The following DGKB variants were observed in gnomAD, a reference collection of about 807,000 sequenced individuals.
The protein encoded by DGKB is 90 kDa diacylglycerol kinase.
DGKB carries 67 observed loss-of-function variants against 114.3 expected under a neutral mutation model. The ratio of observed to expected loss-of-function variants is 0.59; its 90% CI spans 0.48 to 0.72. The LOEUF is 0.72. Ranked by LOEUF, DGKB falls within the 30% of genes least tolerant of loss-of-function variation. The pLI, the probability that DGKB is intolerant of heterozygous loss-of-function variation, is 0.00. For synonymous variants in DGKB, 398 were observed against 323.1 expected, an observed-to-expected ratio of 1.23 and a Z score of -2.49; for missense variants, 907 against 975.2, an observed-to-expected ratio of 0.93 and a Z score of 0.93.
chr7:14,433,232 T>C (rs1038355522), intron 21 of DGKB, among the ~76,000 whole-genome samples: 1 of 152,138 alleles, frequency 6.6e-6, no homozygotes, highest in African/African-American at 2.4e-5. Context: ...ATTCTAGAGC[T>C]CCCCATGAGA....
At chr7:14,458,081 A>G (rs1832552573) in intron 21 of DGKB, among the ~76,000 whole-genome samples, 1 of 152,206 alleles carries the variant, frequency 6.6e-6, no homozygotes, top group South Asian at 2.1e-4. Context: ...TGATTAAAAA[A>G]AACGATGCTC....
chr7:14,492,113 T>C (rs1784677885), intron 20 of DGKB, among the ~76,000 whole-genome samples: 1 of 152,058 alleles, frequency 6.6e-6, no homozygotes, highest in African/African-American at 2.4e-5. Flanking sequence ...AATATAAAAA[T>C]TAAAATCTAT....
rs1226790328 is a variant in DGKB at position 14,421,734 on chromosome 7, C to T, written c.1835+56427G>A. 4.6e-5 allele frequency among the ~76,000 whole-genome samples: 7 copies of T among 152,042 alleles called. No individual in the cohort carries two copies. In the East Asian group the frequency reaches 1.2e-3, roughly 25 times the overall value. On this transcript the variant is annotated intron_variant, in intron 21 of 25. Transcript: ENST00000402815. ...ATAAGAAAGTGATGATAATGGAAAG[C>T]AATATTTAGTATCAACTTTGAATAG...
At chr7:14,728,478 A>G (rs564793320) in intron 5 of DGKB, among the ~76,000 whole-genome samples, 6 of 152,196 alleles carry the variant, frequency 3.9e-5, no homozygotes, top group African/African-American at 1.4e-4. Flanking sequence ...GCTCCTAACA[A>G]GTCTATCTTC....
chr7:14,474,777 AC>A (rs1384748574), intron 21 of DGKB, among the ~76,000 whole-genome samples: 1 of 151,970 alleles, frequency 6.6e-6, no homozygotes, highest in African/African-American at 2.4e-5. Flanking sequence ...TATTTTAAAT[AC>A]CAATATTATG....
Position 14,212,541 on chromosome 7 carries a change from T to TA in DGKB, c.2123-34391_2123-34390insT, listed in dbSNP as rs540777612. Among the ~76,000 whole-genome samples, 17 of 152,220 alleles carry TA rather than the reference T, an allele frequency of 1.1e-4. No homozygotes were observed. The East Asian group carries it at 3.1e-3, about 28-fold the overall frequency. On this transcript the variant is annotated intron_variant, in intron 23 of 25. Coordinates refer to ENST00000402815, the MANE Select transcript of DGKB (RefSeq NM_001350709.2). ...TTCAAGGATGGAATTATGCAGGGAT[T>TA]TGTCCTGAGTCATCTCTTCACTATA... is the stretch of plus-strand genomic sequence containing the variant.
rs1422756524 is a variant in DGKB, at chr7:14,551,143, C to G, written c.1770+23069G>C. Reference sequence around the variant, plus strand: ...TCCTACACTGGCAGAATAAGAGGCTCTTAGTGACTGACTAAGGCTGAAGGA... The same window carrying G: ...TCCTACACTGGCAGAATAAGAGGCTGTTAGTGACTGACTAAGGCTGAAGGA... On this transcript the variant is annotated intron_variant, in intron 20 of 25. Transcript: ENST00000402815. Among the ~76,000 whole-genome samples the G allele has an allele frequency of 2.0e-5, 3 of 152,128 alleles. No individual in the cohort carries two copies. In the East Asian group the frequency reaches 5.8e-4, roughly 29 times the overall value.
At chr7:14,165,824 T>G (rs1354094584) in intron 25 of DGKB, among the ~76,000 whole-genome samples, 1 of 152,206 alleles carries the variant, frequency 6.6e-6, no homozygotes, top group Non-Finnish European at 1.5e-5. Flanking sequence ...TTGCTAAGTG[T>G]GGAACTGCTA....
At chr7:14,257,284 CATTT>C (rs1178866405) in intron 23 of DGKB, among the ~76,000 whole-genome samples, 5 of 152,076 alleles carry the variant, frequency 3.3e-5, no homozygotes, top group Admixed American at 2.0e-4. Context: ...ACACGAAATG[CATTT>C]ACGATTTCTA....
intron 21 of DGKB, among the ~76,000 whole-genome samples, chr7:14,372,254 A>G (rs1817781002): frequency 6.6e-6 from 1 of 152,144 alleles, no homozygotes; most frequent in Non-Finnish European, 1.5e-5. Flanking sequence ...CTGTCTGCCA[A>G]CAACCCCGGG....
intron 20 of DGKB, among the ~76,000 whole-genome samples, chr7:14,530,413 AAAAAAACCCTGTAT>A (rs1791383514): frequency 1.3e-5 from 2 of 151,368 alleles, no homozygotes; most frequent in Non-Finnish European, 3.0e-5. Flanking sequence ...CCCTTTTCAG[AAAAAAACCCTGTAT>A]GGAAGTATGA....
chr7:14,916,541 T>C (rs973934227), intron 1 of DGKB, among the ~76,000 whole-genome samples: 5 of 152,106 alleles, frequency 3.3e-5, no homozygotes, highest in African/African-American at 9.7e-5. Context: ...ATAAAAATTA[T>C]AAGGGATAAA....
chr7:14,691,448 C>G (rs1244867682), intron 9 of DGKB, among the ~76,000 whole-genome samples: 4 of 152,114 alleles, frequency 2.6e-5, no homozygotes, highest in African/African-American at 9.7e-5. Flanking sequence ...ATCAAATTCT[C>G]TACAGGTAAT....
At chr7:14,290,057 G>A (rs1167427867) in intron 23 of DGKB, among the ~76,000 whole-genome samples, 2 of 152,012 alleles carry the variant, frequency 1.3e-5, no homozygotes, top group Non-Finnish European at 2.9e-5. Flanking sequence ...TACAACATGG[G>A]CAACATGCAA....
At chr7:14,645,550 C>T (rs1812790732) in intron 13 of DGKB, among the ~76,000 whole-genome samples, 1 of 151,984 alleles carries the variant, frequency 6.6e-6, no homozygotes, top group African/African-American at 2.4e-5. Context: ...CTATCTGAGG[C>T]ACATTATAGT....
At chr7:14,843,944 G>T (rs1848297870) in intron 1 of DGKB, among the ~76,000 whole-genome samples, 1 of 152,322 alleles carries the variant, frequency 6.6e-6, no homozygotes, top group Non-Finnish European at 1.5e-5. Context: ...TGTGAGGTAG[G>T]TGCTAATAGT....
chr7:14,470,017 T>A (rs1403013948), intron 21 of DGKB, among the ~76,000 whole-genome samples: 1 of 151,910 alleles, frequency 6.6e-6, no homozygotes, highest in Non-Finnish European at 1.5e-5. Flanking sequence ...ACTGGCCTCA[T>A]GATAATGCTT....
At chr7:14,244,800 G>A (rs1460830289) in intron 23 of DGKB, among the ~76,000 whole-genome samples, 11 of 151,692 alleles carry the variant, frequency 7.3e-5, no homozygotes, top group Admixed American at 7.2e-4. Context: ...AGGGCACAGA[G>A]AAAAGACAGC....
Position 14,306,092 on chromosome 7 carries a change from T to G in DGKB, c.2122+32423A>C, listed in dbSNP as rs151275294. 5.6e-3 allele frequency among the ~76,000 whole-genome samples: 854 copies of G among 152,204 alleles called. 12 individuals carry two copies. Among genetic ancestry groups the G allele is most frequent in the African/African-American group, 0.02 (817 of 41,518 alleles). On this transcript the variant is annotated intron_variant, in intron 23 of 25. Transcript: ENST00000402815. ...TTTCCTCAGAGATAATATTCCCAAA[T>G]AAGATTTTTAAGTTCATTCTAAAGC...
Sources: allele counts gnomAD v4.1 joint callset (sites outside exome capture counted in the v4.1 genomes callset), GRCh38; gene constraint gnomAD v4.1.1; transcripts MANE v1.5; gene names NCBI Gene and HGNC (gene_info 2026-07-23, HGNC 2026-07-21).